Variants in TINAGL1 observed in about 807,000 individuals in gnomAD.
TINAGL1 encodes the protein tubulointerstitial nephritis antigen like 1, also known as tubulointerstitial nephritis antigen-like.
In TINAGL1, 34 loss-of-function variants were observed where a neutral mutation model predicts 62.0. The observed-to-expected ratio is 0.55, with a 90% CI of 0.42 to 0.73. The LOEUF is 0.73. TINAGL1 is among the 30% of genes least tolerant of loss of function. The pLI is 0.00. For synonymous variants in TINAGL1, 221 were observed against 249.7 expected (o/e 0.88, Z 1.08); for missense variants, 516 against 653.2 (o/e 0.79, Z 2.29).
At position 31,577,155 on chromosome 1, in the gene TINAGL1, C is replaced by T. The variant is rs1489819269; in HGVS notation, c.7C>T (p.Arg3Ter). ...CCAGGGCCCAGGAGCCACCATGTGGCGATGTCCACTGGGGCTACTGCTGTT... is the reference window on the plus strand; with the variant it reads ...CCAGGGCCCAGGAGCCACCATGTGGTGATGTCCACTGGGGCTACTGCTGTT... MW[R>*]CPLGLLLLLP... Residue 3 changes from arginine to a stop codon, truncating the protein, a stop_gained, in exon 2 of 12, where the codon CGA (arginine) becomes TGA (stop). Transcript: ENST00000271064. LOFTEE classifies it high-confidence loss of function. The surrounding 1 kb of genome is among the most constrained non-coding windows in gnomAD (Gnocchi z 5.4). The T allele has an allele frequency of 4.6e-6, 7 of 1,528,640 alleles. No homozygotes were observed. The highest frequency in any genetic ancestry group is 2.5e-5 in the South Asian group (2 of 79,266). The allele number at this position is 1,528,640 out of a possible 1,614,324, so 94.7% of individuals were successfully genotyped here.
At chr1:31,580,269 G>A in intron 3 of TINAGL1, 1 of 1,122,978 alleles carries the variant, frequency 8.9e-7, no homozygotes, top group South Asian at 1.8e-5. Flanking sequence ...CTCTCTCACT[G>A]CTGTCCCTGG....
In TINAGL1 at chr1:31,587,110, C is replaced by T. The variant is rs1484154286; in HGVS notation, c.*131C>T. ...GCAGGCGGGCGCCAGGGCGCTAATC[C>T]CGGCGCGGGTTCCGCTGACGCAGCG... On this transcript the variant is annotated 3_prime_UTR_variant, in exon 12 of 12. Coordinates refer to ENST00000271064, the MANE Select transcript of TINAGL1 (RefSeq NM_022164.3). The T allele has an allele frequency of 1.3e-5, 17 of 1,282,368 alleles. No individual in the cohort carries two copies. The highest frequency in any genetic ancestry group is 1.3e-4 in the East Asian group (4 of 31,764). The allele number at this position is 1,282,368 out of a possible 1,614,324, so 79.4% of individuals were successfully genotyped here. A position where few individuals can be genotyped will look rare whatever the true frequency, so the allele number is the denominator to read the frequency against.
Position 31,587,257 on chromosome 1 carries a change from T to C in TINAGL1, c.*278T>C. 2 of 323,406 alleles carry C rather than the reference T, an allele frequency of 6.2e-6. No homozygotes were observed. Among genetic ancestry groups the C allele is most frequent in the Non-Finnish European group, 1.1e-5 (2 of 182,782 alleles). 20.0% of individuals were successfully genotyped at this position (323,406 alleles called of 1,614,324 possible). Reference sequence around the variant, plus strand: ...GATCCCAGGCCTCTGGCGCCCCCACTCAAGACTACCAAAGCCAGGACACCT... The same window carrying C: ...GATCCCAGGCCTCTGGCGCCCCCACCCAAGACTACCAAAGCCAGGACACCT... On this transcript the variant is annotated 3_prime_UTR_variant, in exon 12 of 12. Coordinates refer to ENST00000271064, the MANE Select transcript of TINAGL1 (RefSeq NM_022164.3).
In TINAGL1 at chr1:31,576,863, G is replaced by C. The variant is rs1215267031; in HGVS notation, c.-16+268G>C. On this transcript the variant is annotated intron_variant, in intron 1 of 11. Transcript: ENST00000271064. This position sits in a 1 kb window ranked among gnomAD's most constrained non-coding sequence, Gnocchi z 5.1. ...CCTTGGGTCCACAGGATGAGTGTTG[G>C]GTGGGAGCACCAAGAATGCCACCAC... Among the ~76,000 whole-genome samples, 1 of 152,138 alleles carries C rather than the reference G, an allele frequency of 6.6e-6. No homozygotes were observed. Among genetic ancestry groups the C allele is most frequent in the African/African-American group, 2.4e-5 (1 of 41,418 alleles).
intron 3 of TINAGL1, chr1:31,580,670 C>A: frequency 7.8e-7 from 1 of 1,288,518 alleles, no homozygotes; most frequent in Non-Finnish European, 1.0e-6. Flanking sequence ...TAAAAGGCAA[C>A]ATTGGAGGTG....
chr1:31,579,214 T>C lies in TINAGL1; in HGVS notation c.321T>C (p.His107=). 2 of 1,614,022 alleles carry C rather than the reference T, an allele frequency of 1.2e-6. No individual in the cohort carries two copies. The highest frequency in any genetic ancestry group is 1.1e-5 in the South Asian group (1 of 91,074). ...PPFPPIQGCM[H]GGRIYPVLGT... ...CTTCCCTTCCAACAGGATGTATGCATGGAGGTCGTATCTATCCAGTCTTGG... is the reference window on the plus strand; with the variant it reads ...CTTCCCTTCCAACAGGATGTATGCACGGAGGTCGTATCTATCCAGTCTTGG... Residue 107 remains histidine (H), a synonymous_variant, in exon 3 of 12, where the codon CAT becomes CAC. Transcript: ENST00000271064.
Position 31,577,390 on chromosome 1 carries a change from T to G in TINAGL1, c.242T>G (p.Val81Gly), listed in dbSNP as rs1639013196. The G allele has an allele frequency of 5.0e-6, 8 of 1,613,922 alleles. No individual in the cohort carries two copies. Among genetic ancestry groups the G allele is most frequent in the Non-Finnish European group, 6.8e-6 (8 of 1,180,000 alleles). Residue 81 changes from valine (V) to glycine (G), a missense_variant, in exon 2 of 12, where the codon GTC becomes GGC. Val to Gly is a moderately radical substitution (Grantham distance 109). Coordinates refer to ENST00000271064, the MANE Select transcript of TINAGL1 (RefSeq NM_022164.3). The surrounding 1 kb of genome is among the most constrained non-coding windows in gnomAD (Gnocchi z 5.4). ...CYCDLFCNRT[V>G]SDCCPDFWDF... ...TGTGACCTCTTCTGCAACCGCACGGTCTCCGACTGCTGCCCTGACTTCTGG... is the reference window on the plus strand; with the variant it reads ...TGTGACCTCTTCTGCAACCGCACGGGCTCCGACTGCTGCCCTGACTTCTGG...
rs547878711 is a variant in TINAGL1, at chr1:31,586,080, A to G, written c.1217+204A>G. 2.8e-5 allele frequency: 16 copies of G among 577,070 alleles called. No individual in the cohort carries two copies. The East Asian group carries it at 4.0e-4, about 15-fold the overall frequency. The allele number at this position is 577,070 out of a possible 1,614,324, so 35.7% of individuals were successfully genotyped here. ...GGAGCCTCTGAAGGCTTTTTTAGGAACTGTTCCTTCCTTACATTGGGATAA... is the reference window on the plus strand; with the variant it reads ...GGAGCCTCTGAAGGCTTTTTTAGGAGCTGTTCCTTCCTTACATTGGGATAA... On this transcript the variant is annotated intron_variant, in intron 10 of 11. Coordinates refer to ENST00000271064, the MANE Select transcript of TINAGL1 (RefSeq NM_022164.3).
At chr1:31,578,877 G>GGTGTGTGTGT (rs57769142) in intron 2 of TINAGL1, among the ~76,000 whole-genome samples, 32,491 of 76,378 alleles carry the variant, frequency 0.43, 11,421 homozygotes, top group Middle Eastern at 0.52. Context: ...AGTGAGAGCT[G>GGTGTGTGTGT]GTGTGTGTGT....
rs60219560 is a variant in TINAGL1 at position 31,579,288 on chromosome 1, G to A, written c.374+21G>A. The A allele has an allele frequency of 1.3e-3, 2,071 of 1,611,732 alleles. 18 individuals are homozygous for A. In the African/African-American group the frequency reaches 0.024, roughly 19 times the overall value. On this transcript the variant is annotated intron_variant, in intron 3 of 11. Coordinates refer to ENST00000271064, the MANE Select transcript of TINAGL1 (RefSeq NM_022164.3). Reference sequence around the variant, plus strand: ...CGTTGGTGAGTGTTTGGAGCTTAGAGGGGTCTTGCTTTGTGAGCCTGTGGC... The same window carrying A: ...CGTTGGTGAGTGTTTGGAGCTTAGAAGGGTCTTGCTTTGTGAGCCTGTGGC...
chr1:31,585,838 A>T lies in TINAGL1; in HGVS notation c.1179A>T (p.Arg393Ser). 1 of 1,608,698 alleles carries T rather than the reference A, an allele frequency of 6.2e-7. No homozygotes were observed. The highest frequency in any genetic ancestry group is 8.5e-7 in the Non-Finnish European group (1 of 1,177,410). The change falls in exon 10 of 12, where the codon AGA becomes AGT. Residue 393 changes from arginine (R) to serine (S), a missense_variant. By Grantham distance (110) the Arg-to-Ser change is moderately radical. Coordinates refer to ENST00000271064, the MANE Select transcript of TINAGL1 (RefSeq NM_022164.3). This position sits in a 1 kb window ranked among gnomAD's most constrained non-coding sequence, Gnocchi z 4.3. ...CAGTGAGCCTTGGGAGGCCAGAGAG[A>T]TACCGCCGGCATGGGACCCACTCAG... ...HTPVSLGRPERYRRHGTHSVK... is the reference protein window; with the variant it reads ...HTPVSLGRPESYRRHGTHSVK...
chr1:31,576,635 CAG>C lies in TINAGL1; in HGVS notation c.-16+44_-16+45del, dbSNP rs1638959222. ...CTGCTCAGAGGGCGGAAGGTGTAGA[CAG>C]AGAAGAAACAGGGGGAGGGGGCAGG... On this transcript the variant is annotated intron_variant, in intron 1 of 11. Coordinates refer to ENST00000271064, the MANE Select transcript of TINAGL1 (RefSeq NM_022164.3). The surrounding 1 kb of genome is among the most constrained non-coding windows in gnomAD (Gnocchi z 5.1). 1.9e-5 allele frequency: 3 copies of C among 154,152 alleles called. No individual in the cohort carries two copies. The highest frequency in any genetic ancestry group is 6.6e-3 in the Middle Eastern group (2 of 302). The allele number at this position is 154,152 out of a possible 1,614,324, so 9.5% of individuals were successfully genotyped here.
At chr1:31,580,408 G>T (rs1208682601) in intron 3 of TINAGL1, 1 of 1,289,328 alleles carries the variant, frequency 7.8e-7, no homozygotes, top group Non-Finnish European at 1.0e-6. Flanking sequence ...CTCTCCTCAT[G>T]AAGGCTCTGG....
At position 31,586,453 on chromosome 1, in the gene TINAGL1, G is replaced by T. The variant is rs1313726100; in HGVS notation, c.1218-257G>T. 2.6e-5 allele frequency: 15 copies of T among 587,478 alleles called. No individual in the cohort carries two copies. In the South Asian group the frequency reaches 2.6e-4, roughly 10 times the overall value. The allele number at this position is 587,478 out of a possible 1,614,324, so 36.4% of individuals were successfully genotyped here. On this transcript the variant is annotated intron_variant, in intron 10 of 11. Coordinates refer to ENST00000271064, the MANE Select transcript of TINAGL1 (RefSeq NM_022164.3). ...GGAGGTGGGTCTCTGGAGGACCCAG[G>T]TTCCCTCCTCTTCTGCTCACCTTGC... is the stretch of plus-strand genomic sequence containing the variant.
In TINAGL1 at chr1:31,584,761, C is replaced by T. The variant is rs771378165; in HGVS notation, c.666C>T (p.Asp222=). 1 of 1,614,256 alleles carries T rather than the reference C, an allele frequency of 6.2e-7. No homozygotes were observed. The highest frequency in any genetic ancestry group is 2.2e-5 in the East Asian group (1 of 44,878). Residue 222 remains aspartate (D), a synonymous_variant, in exon 6 of 12, where the codon GAC becomes GAT. Transcript: ENST00000271064. The surrounding 1 kb of genome is among the most constrained non-coding windows in gnomAD (Gnocchi z 4.0). ...KWPNLIHEPL[D]QGNCAGSWAF... is the part of the protein sequence containing the mutation. ...CCAACCTGATTCATGAGCCTCTTGA[C>T]CAAGGCAACTGTGCAGGCTCCTGGG...
chr1:31,587,127 G>A lies in TINAGL1; in HGVS notation c.*148G>A. 8.2e-7 allele frequency: 1 copy of A among 1,215,004 alleles called. No homozygotes were observed. Among genetic ancestry groups the A allele is most frequent in the Non-Finnish European group, 1.0e-6 (1 of 955,614 alleles). The allele number at this position is 1,215,004 out of a possible 1,614,324, so 75.3% of individuals were successfully genotyped here. ...CGCTAATCCCGGCGCGGGTTCCGCT[G>A]ACGCAGCGCCCCGCCTGGGAGCCGC... On this transcript the variant is annotated 3_prime_UTR_variant, in exon 12 of 12. Coordinates refer to ENST00000271064, the MANE Select transcript of TINAGL1 (RefSeq NM_022164.3).
chr1:31,581,434 C>T (rs1439695847), intron 3 of TINAGL1, among the ~76,000 whole-genome samples: 1 of 152,082 alleles, frequency 6.6e-6, no homozygotes. Flanking sequence ...CATCTCCAAG[C>T]CCTGCTGATG....
At chr1:31,586,271 T>G in intron 10 of TINAGL1, 1 of 310,546 alleles carries the variant, frequency 3.2e-6, no homozygotes. Flanking sequence ...CTGACTTCAA[T>G]GAACTCGGTG....
chr1:31,587,057 C>G lies in TINAGL1; in HGVS notation c.*78C>G. 1.5e-6 allele frequency: 2 copies of G among 1,362,950 alleles called. No homozygotes were observed. Among genetic ancestry groups the G allele is most frequent in the Non-Finnish European group, 1.9e-6 (2 of 1,064,774 alleles). The allele number at this position is 1,362,950 out of a possible 1,614,324, so 84.4% of individuals were successfully genotyped here. A position where few individuals can be genotyped will look rare whatever the true frequency, so the allele number is the denominator to read the frequency against. On this transcript the variant is annotated 3_prime_UTR_variant, in exon 12 of 12. Transcript: ENST00000271064. ...GAAGAGGCCCCAATGGGGCGGTGAC[C>G]CCAGCCTCGCCCGACAGAGCCCGGG... is the stretch of plus-strand genomic sequence containing the variant.
Sources: allele counts gnomAD v4.1 joint callset (sites outside exome capture counted in the v4.1 genomes callset), GRCh38; gene constraint gnomAD v4.1.1; non-coding constraint Gnocchi (gnomAD v3.1); transcripts MANE v1.5; gene names NCBI Gene and HGNC (gene_info 2026-07-23, HGNC 2026-07-21).